LOC128462377: variants seen among roughly 807,000 people sequenced by gnomAD.
chr16:89,371,110 C>T, the LOC128462377 span, among the ~76,000 whole-genome samples: 2 of 152,230 alleles, frequency 1.3e-5, no homozygotes, highest in South Asian at 4.1e-4. Context: ...TGAAAACCGC[C>T]GAGGGGGAAG....
chr16:89,339,870 G>A, the LOC128462377 span: 1 of 152,000 alleles, frequency 6.6e-6, no homozygotes, highest in Non-Finnish European at 1.5e-5. Flanking sequence ...TGATACTCAC[G>A]CTACACACAA....
the LOC128462377 span, among the ~76,000 whole-genome samples, chr16:89,349,133 G>GAAAAAAAAA: frequency 5.7e-3 from 9 of 1,572 alleles, no homozygotes; most frequent in Non-Finnish European, 8.2e-3. Context: ...GTCTCAAAAA[G>GAAAAAAAAA]TAAAAAAAAA....
the LOC128462377 span, among the ~76,000 whole-genome samples, chr16:89,413,616 G>T: frequency 6.6e-6 from 1 of 152,018 alleles, no homozygotes; most frequent in Non-Finnish European, 1.5e-5. Context: ...CAGCCAGACT[G>T]TCTCAAAAAA....
the LOC128462377 span, among the ~76,000 whole-genome samples, chr16:89,318,144 G>A: frequency 2.6e-5 from 4 of 152,144 alleles, no homozygotes; most frequent in East Asian, 3.8e-4. Flanking sequence ...TGCGACACAC[G>A]GTGCGAGCGC....
chr16:89,318,553 T>C, the LOC128462377 span, among the ~76,000 whole-genome samples: 2 of 119,420 alleles, frequency 1.7e-5, no homozygotes, highest in Admixed American at 9.4e-5. Context: ...TGAAACACGA[T>C]GTGCAGACCC....
At chr16:89,359,987 G>C in the LOC128462377 span, among the ~76,000 whole-genome samples, 2 of 151,950 alleles carry the variant, frequency 1.3e-5, no homozygotes, top group African/African-American at 4.8e-5. Flanking sequence ...GAGGTTGTAC[G>C]TGTTATTCTA....
At chr16:89,332,657 A>G in the LOC128462377 span, among the ~76,000 whole-genome samples, 1 of 152,206 alleles carries the variant, frequency 6.6e-6, no homozygotes, top group Non-Finnish European at 1.5e-5. Flanking sequence ...AAAGCAAACG[A>G]CAAACACAAC....
chr16:89,408,402 G>A, the LOC128462377 span, among the ~76,000 whole-genome samples: 18 of 152,260 alleles, frequency 1.2e-4, no homozygotes, highest in African/African-American at 4.3e-4. Flanking sequence ...AGTTGCCTGG[G>A]CAGAGGAGGA....
the LOC128462377 span, among the ~76,000 whole-genome samples, chr16:89,406,603 GAA>G: frequency 6.6e-6 from 1 of 152,238 alleles, no homozygotes; most frequent in Non-Finnish European, 1.5e-5. Flanking sequence ...GGTGGGGACA[GAA>G]AAGAGACAAG....
At chr16:89,386,419 G>C in the LOC128462377 span, among the ~76,000 whole-genome samples, 1 of 152,102 alleles carries the variant, frequency 6.6e-6, no homozygotes, top group Non-Finnish European at 1.5e-5. Context: ...CCAAGGAGAC[G>C]CCAGAAACCC....
chr16:89,371,041 C>T, the LOC128462377 span, among the ~76,000 whole-genome samples: 6 of 152,264 alleles, frequency 3.9e-5, no homozygotes, highest in Admixed American at 3.3e-4. Context: ...ATAGCTGCCC[C>T]GTCTCATGAC....
the LOC128462377 span, among the ~76,000 whole-genome samples, chr16:89,403,981 T>G: frequency 1.3e-5 from 2 of 152,082 alleles, no homozygotes; most frequent in African/African-American, 4.8e-5. Context: ...GGAGCAAGAT[T>G]ATAAAACTAA....
the LOC128462377 span, among the ~76,000 whole-genome samples, chr16:89,335,359 G>C: frequency 3.3e-5 from 5 of 152,338 alleles, no homozygotes; most frequent in South Asian, 1.0e-3. Context: ...CCACACCGAG[G>C]CATCCGTGAG....
chr16:89,349,134 T>TAAAAAAAAAAAAAAAAAAAAAAAAAAAA, the LOC128462377 span, among the ~76,000 whole-genome samples: 3 of 16,578 alleles, frequency 1.8e-4, no homozygotes, highest in Non-Finnish European at 2.8e-4. Flanking sequence ...TCTCAAAAAG[T>TAAAAAAAAAAAAAAAAAAAAAAAAAAAA]AAAAAAAAAA....
chr16:89,361,399 G>A, the LOC128462377 span: 3 of 152,338 alleles, frequency 2.0e-5, no homozygotes, highest in Non-Finnish European at 4.4e-5. Context: ...CACTGAGCAT[G>A]AGCTGCCTCA....
chr16:89,338,912 C>G, the LOC128462377 span, among the ~76,000 whole-genome samples: 1 of 152,056 alleles, frequency 6.6e-6, no homozygotes, highest in Non-Finnish European at 1.5e-5. Context: ...ACAAAAAAAT[C>G]ACCCAGATAT....
chr16:89,390,578 A>C, the LOC128462377 span, among the ~76,000 whole-genome samples: 1 of 152,226 alleles, frequency 6.6e-6, no homozygotes, highest in Non-Finnish European at 1.5e-5. Context: ...CAAAACATGG[A>C]GAACCTGACC....
chr16:89,388,198 C>G, the LOC128462377 span, among the ~76,000 whole-genome samples: 1 of 152,022 alleles, frequency 6.6e-6, no homozygotes, highest in Non-Finnish European at 1.5e-5. Flanking sequence ...TAACACCAGA[C>G]TATTCACCAC....
At chr16:89,387,396 GGC>G in the LOC128462377 span, among the ~76,000 whole-genome samples, 1 of 152,130 alleles carries the variant, frequency 6.6e-6, no homozygotes, top group Non-Finnish European at 1.5e-5. Flanking sequence ...GCTTGGGCCG[GGC>G]GCGGTGGCTC....
Sources: gnomAD v4.1 joint callset for allele counts (sites outside exome capture counted in the v4.1 genomes callset) on GRCh38, gnomAD v4.1.1 for gene constraint, MANE v1.5 for transcripts.